MXI1: variants seen among roughly 807,000 people sequenced by gnomAD.
The protein encoded by MXI1 is MAX interactor 1, dimerization protein.
In MXI1, 18 loss-of-function variants were observed where a neutral mutation model predicts 36.9. That is an observed-to-expected ratio of 0.49 (90% CI 0.34 to 0.72). The LOEUF is 0.72. Ranked by LOEUF, MXI1 falls within the 30% of genes least tolerant of loss-of-function variation. The pLI is 0.01. For missense variants in MXI1, 304 were observed against 379.1 expected, an observed-to-expected ratio of 0.80 and a Z score of 1.64; for synonymous variants, 160 against 146.7, an observed-to-expected ratio of 1.09 and a Z score of -0.65.
chr10:110,215,398 C>A (rs964265957), intron 1 of MXI1, among the ~76,000 whole-genome samples: 4 of 152,208 alleles, frequency 2.6e-5, no homozygotes, highest in Admixed American at 2.6e-4. Flanking sequence ...CAGAAGGAGC[C>A]CCAGAGGTCA....
intron 2 of MXI1, among the ~76,000 whole-genome samples, chr10:110,236,628 T>C (rs1175739269): frequency 6.6e-6 from 1 of 152,092 alleles, no homozygotes; most frequent in Non-Finnish European, 1.5e-5. Context: ...ACTCTGCTAA[T>C]TTTTATATTT....
At chr10:110,240,031 T>G (rs1325984598) in intron 2 of MXI1, among the ~76,000 whole-genome samples, 2 of 152,066 alleles carry the variant, frequency 1.3e-5, no homozygotes, top group Non-Finnish European at 2.9e-5. Context: ...ACTTTTTGTG[T>G]GTGTTTGGCT....
At position 110,286,579 on chromosome 10, in the gene MXI1, T is replaced by A. The variant is rs539651942; in HGVS notation, c.*1592T>A. 1 of 152,688 alleles carries A rather than the reference T, an allele frequency of 6.5e-6. No homozygotes were observed. Among genetic ancestry groups the A allele is most frequent in the African/African-American group, 2.4e-5 (1 of 41,532 alleles). The allele number at this position is 152,688 out of a possible 1,614,324, so 9.5% of individuals were successfully genotyped here. A position where few individuals can be genotyped will look rare whatever the true frequency, so the allele number is the denominator to read the frequency against. The stretch of plus-strand genomic sequence containing the variant: ...TTCAGTCCTGTAGTTTTATTTTATG[T>A]TTAGATAGGGCTGGGCAAGGAAAAA... On this transcript the variant is annotated 3_prime_UTR_variant, in exon 6 of 6. Coordinates refer to ENST00000332674, the MANE Select transcript of MXI1 (RefSeq NM_130439.3).
intron 5 of MXI1, among the ~76,000 whole-genome samples, chr10:110,283,104 G>A (rs1857315724): frequency 2.0e-5 from 3 of 152,110 alleles, no homozygotes; most frequent in South Asian, 2.1e-4. Flanking sequence ...GAAGCAATTC[G>A]GATATAGAGC....
chr10:110,208,087 G>A lies in MXI1; in HGVS notation c.274+5G>A. ...AGATCGAGAAAGAAAACAAAAGTAA[G>A]TTTGGGGGCCCCTGCTCTTCCTCGG... On this transcript the variant is annotated splice_donor_5th_base_variant and intron_variant, in intron 1 of 5. Coordinates refer to ENST00000332674, the MANE Select transcript of MXI1 (RefSeq NM_130439.3). The A allele has an allele frequency of 6.3e-7, 1 of 1,579,266 alleles. No homozygotes were observed. The highest frequency in any genetic ancestry group is 8.6e-7 in the Non-Finnish European group (1 of 1,163,674).
intron 1 of MXI1, among the ~76,000 whole-genome samples, chr10:110,214,201 C>T (rs947552622): frequency 6.6e-6 from 1 of 152,228 alleles, no homozygotes; most frequent in East Asian, 1.9e-4. Context: ...AAATGACTTA[C>T]TCAAGGTCAC....
At chr10:110,239,365 G>A (rs1046369039) in intron 2 of MXI1, among the ~76,000 whole-genome samples, 1 of 152,112 alleles carries the variant, frequency 6.6e-6, no homozygotes, top group Admixed American at 6.5e-5. Flanking sequence ...TTGGATCATT[G>A]ATTTTGGACA....
At chr10:110,261,064 T>G in intron 3 of MXI1, 1 of 985,032 alleles carries the variant, frequency 1.0e-6, no homozygotes, top group Non-Finnish European at 1.2e-6. Flanking sequence ...AAGAGCACAC[T>G]GCTCTTACAC....
At chr10:110,260,885 TTG>T (rs749560100) in intron 3 of MXI1, 81 of 412,308 alleles carry the variant, frequency 2.0e-4, no homozygotes, top group African/African-American at 1.4e-3. Flanking sequence ...GTAAGCATTA[TTG>T]TGTTATAACT....
chr10:110,259,259 TTTAA>T (rs1228396226), intron 3 of MXI1, among the ~76,000 whole-genome samples: 5 of 151,904 alleles, frequency 3.3e-5, no homozygotes, highest in East Asian at 1.9e-4. Context: ...ACAGGAAGAG[TTTAA>T]TTAATAGATT....
chr10:110,228,039 G>T, intron 1 of MXI1, 150 bp from the exon 2 acceptor site: 3 of 802,824 alleles, frequency 3.7e-6, no homozygotes, highest in Non-Finnish European at 5.9e-6. Context: ...CCAGGCGAGG[G>T]ACATTAATTT....
intron 3 of MXI1, among the ~76,000 whole-genome samples, chr10:110,271,322 A>G (rs1273540513): frequency 6.6e-6 from 1 of 152,154 alleles, no homozygotes; most frequent in Non-Finnish European, 1.5e-5. Flanking sequence ...TTGTTACCTC[A>G]ACTTTGGTGA....
intron 3 of MXI1, among the ~76,000 whole-genome samples, chr10:110,270,846 T>C (rs1356299810): frequency 1.3e-5 from 2 of 152,044 alleles, no homozygotes. Flanking sequence ...TCCTAGCACT[T>C]TGGGAGGCCG....
intron 2 of MXI1, among the ~76,000 whole-genome samples, chr10:110,240,839 A>G (rs1855646109): frequency 6.6e-6 from 1 of 152,040 alleles, no homozygotes; most frequent in Non-Finnish European, 1.5e-5. Flanking sequence ...AGTTAAATGA[A>G]AATGTTAACA....
chr10:110,208,149 C>G, intron 1 of MXI1, 67 bp downstream of exon 1: 6 of 1,505,960 alleles, frequency 4.0e-6, no homozygotes, highest in South Asian at 2.4e-5. Context: ...TTGGGCGACC[C>G]CTGTTGCGAG....
At chr10:110,243,057 C>T (rs924992886) in intron 2 of MXI1, among the ~76,000 whole-genome samples, 5 of 151,864 alleles carry the variant, frequency 3.3e-5, no homozygotes, top group Admixed American at 1.3e-4. Flanking sequence ...TTCTTCTAAA[C>T]GTCTTTAAAT....
intron 3 of MXI1, among the ~76,000 whole-genome samples, chr10:110,264,497 C>T (rs1242411817): frequency 6.6e-6 from 1 of 151,448 alleles, no homozygotes; most frequent in Non-Finnish European, 1.5e-5. Flanking sequence ...TCCCGAGTTG[C>T]TGGGATTACA....
chr10:110,215,037 TTTTTTG>T lies in MXI1; in HGVS notation c.274+6961_274+6966del, dbSNP rs1368111871. 3.9e-4 allele frequency among the ~76,000 whole-genome samples: 30 copies of T among 76,596 alleles called. 2 individuals carry two copies. The South Asian group carries it at 8.9e-3, about 23-fold the overall frequency. 50.2% of individuals were successfully genotyped at this position (76,596 alleles called of 152,430 possible). The stretch of plus-strand genomic sequence containing the variant: ...TTCTTTCTGCTCCACTTCAGTTTTT[TTTTTTG>T]TTTTTTTTTTTTTTTTGAGATGGAG... On this transcript the variant is annotated intron_variant, in intron 1 of 5. Transcript: ENST00000332674.
intron 1 of MXI1, chr10:110,208,438 T>TTC (rs761839450): frequency 0.018 from 2,960 of 167,200 alleles, 50 homozygotes; most frequent in African/African-American, 0.03. Context: ...TTTTTTTTTT[T>TTC]CCGGAGCCTT....
Sources: gnomAD v4.1 joint callset for allele counts (sites outside exome capture counted in the v4.1 genomes callset) on GRCh38, gnomAD v4.1.1 for gene constraint, MANE v1.5 for transcripts, NCBI Gene and HGNC (gene_info 2026-07-23, HGNC 2026-07-21) for gene names.